Variants in PHLPP1 observed in about 807,000 individuals in gnomAD.
PHLPP1 encodes PH domain and leucine rich repeat protein phosphatase 1.
In PHLPP1, 42 loss-of-function variants were observed where a neutral mutation model predicts 117.2. The observed-to-expected ratio is 0.36, with a 90% CI of 0.28 to 0.46. The LOEUF is 0.46. Ranked by LOEUF, PHLPP1 falls within the 20% of genes least tolerant of loss-of-function variation. PHLPP1 has a pLI of 1.00. For synonymous variants in PHLPP1, 1,042 were observed against 970.7 expected (o/e 1.07, Z -1.37); for missense variants, 2,084 against 2,241.9 (o/e 0.93, Z 1.42).
intron 1 of PHLPP1, among the ~76,000 whole-genome samples, chr18:62,729,065 G>A (rs993818956): frequency 6.6e-6 from 1 of 152,238 alleles, no homozygotes; most frequent in African/African-American, 2.4e-5. Flanking sequence ...TTAATTCCCA[G>A]AAAAAATGAA....
chr18:62,742,358 T>C (rs1444779798), intron 1 of PHLPP1, among the ~76,000 whole-genome samples: 1 of 152,192 alleles, frequency 6.6e-6, no homozygotes. Context: ...CTCTATGTTA[T>C]CTGAGGCCCC....
intron 2 of PHLPP1, among the ~76,000 whole-genome samples, chr18:62,833,322 C>T (rs1311557142): frequency 6.6e-6 from 1 of 152,210 alleles, no homozygotes; most frequent in Non-Finnish European, 1.5e-5. Context: ...GATCCGCCTG[C>T]TTCGGCCTCC....
chr18:62,886,637 A>G (rs912325296), intron 4 of PHLPP1, among the ~76,000 whole-genome samples: 2 of 152,132 alleles, frequency 1.3e-5, no homozygotes, highest in African/African-American at 4.8e-5. Flanking sequence ...TTTGTTTGCA[A>G]ACATACTACA....
chr18:62,823,290 G>T (rs989206421), intron 1 of PHLPP1, among the ~76,000 whole-genome samples: 3 of 152,148 alleles, frequency 2.0e-5, no homozygotes, highest in Non-Finnish European at 4.4e-5. Context: ...AGAAGTCTGG[G>T]CACAGCGACT....
chr18:62,953,416 C>G (rs573823198), intron 12 of PHLPP1, among the ~76,000 whole-genome samples: 1 of 152,332 alleles, frequency 6.6e-6, no homozygotes, highest in Non-Finnish European at 1.5e-5. Context: ...TAGATGTCCA[C>G]CTGTTCTCAC....
intron 1 of PHLPP1, among the ~76,000 whole-genome samples, chr18:62,753,501 G>C (rs1911921599): frequency 6.6e-6 from 1 of 152,184 alleles, no homozygotes. Flanking sequence ...TGCATTGCTG[G>C]CATCTGGTCC....
chr18:62,935,635 T>A (rs1207105517), intron 10 of PHLPP1, among the ~76,000 whole-genome samples: 1 of 152,128 alleles, frequency 6.6e-6, no homozygotes. Flanking sequence ...AACATGTATG[T>A]TTTAGTTCTT....
intron 12 of PHLPP1, among the ~76,000 whole-genome samples, chr18:62,951,233 G>A (rs111453722): frequency 3.9e-5 from 6 of 152,050 alleles, no homozygotes; most frequent in African/African-American, 9.7e-5. Flanking sequence ...CGCCCGCCTC[G>A]TCCTCCCAAA....
chr18:62,840,334 A>G (rs1915019505), intron 3 of PHLPP1, among the ~76,000 whole-genome samples: 3 of 152,148 alleles, frequency 2.0e-5, no homozygotes, highest in Admixed American at 2.0e-4. Flanking sequence ...CTAATAGACA[A>G]ATGGAGGTTC....
Position 62,864,263 on chromosome 18 carries a change from C to T in PHLPP1, c.2066+3662C>T, listed in dbSNP as rs548519532. Reference sequence around the variant, plus strand: ...TCTCGAACTCCTGACCTCAGGTAATCCACCCACCTCGGCCTCCCAAAGTAC... The same window carrying T: ...TCTCGAACTCCTGACCTCAGGTAATTCACCCACCTCGGCCTCCCAAAGTAC... On this transcript the variant is annotated intron_variant, in intron 4 of 16. Transcript: ENST00000262719. Among the ~76,000 whole-genome samples the T allele has an allele frequency of 3.5e-4, 54 of 152,274 alleles. No individual in the cohort carries two copies. In the South Asian group the frequency reaches 0.011, roughly 30 times the overall value.
At chr18:62,793,238 G>C (rs1251437171) in intron 1 of PHLPP1, among the ~76,000 whole-genome samples, 1 of 152,146 alleles carries the variant, frequency 6.6e-6, no homozygotes, top group Non-Finnish European at 1.5e-5. Context: ...TTGCAGGGGG[G>C]TGCTTGTCAT....
In PHLPP1 at chr18:62,963,353, T is replaced by G; in HGVS notation, c.3456-15T>G. On this transcript the variant is annotated splice_polypyrimidine_tract_variant and intron_variant, in intron 13 of 16. Coordinates refer to ENST00000262719, the MANE Select transcript of PHLPP1 (RefSeq NM_194449.4). ...GTTTTAATGATTCCTGTTCCCTCCC[T>G]GTTTCTCTTGTTAGTAATATCCGCT... is the stretch of plus-strand genomic sequence containing the variant. 3 of 1,575,610 alleles carry G rather than the reference T, an allele frequency of 1.9e-6. No individual in the cohort carries two copies. The South Asian group carries it at 3.4e-5, about 18-fold the overall frequency.
chr18:62,816,182 G>C (rs1348270723), intron 1 of PHLPP1, among the ~76,000 whole-genome samples: 1 of 152,102 alleles, frequency 6.6e-6, no homozygotes, highest in Admixed American at 6.6e-5. Context: ...AAGTTGAAAA[G>C]AGTACAAAAA....
At chr18:62,833,342 G>A (rs1485730658) in intron 2 of PHLPP1, among the ~76,000 whole-genome samples, 1 of 152,156 alleles carries the variant, frequency 6.6e-6, no homozygotes, top group East Asian at 1.9e-4. Flanking sequence ...CCATAGTGCT[G>A]GGATTACAGG....
At chr18:62,925,072 A>T (rs1909584220) in intron 10 of PHLPP1, among the ~76,000 whole-genome samples, 5 of 152,014 alleles carry the variant, frequency 3.3e-5, no homozygotes, top group Admixed American at 3.3e-4. Context: ...GATTTTCCTG[A>T]TGGAAACCCC....
At chr18:62,727,933 AG>A (rs1261359589) in intron 1 of PHLPP1, among the ~76,000 whole-genome samples, 2 of 151,686 alleles carry the variant, frequency 1.3e-5, no homozygotes, top group Non-Finnish European at 2.9e-5. Flanking sequence ...TGGGAAGGGG[AG>A]GGGGGCTGGA....
intron 1 of PHLPP1, among the ~76,000 whole-genome samples, chr18:62,718,974 T>TA (rs1910841227): frequency 6.6e-6 from 1 of 152,220 alleles, no homozygotes; most frequent in Non-Finnish European, 1.5e-5. Context: ...AATAAGCACT[T>TA]TCTTTTTTCT....
chr18:62,954,251 T>C (rs1013113357), intron 12 of PHLPP1, among the ~76,000 whole-genome samples: 2 of 152,254 alleles, frequency 1.3e-5, no homozygotes, highest in Non-Finnish European at 2.9e-5. Context: ...AAAGTAATTT[T>C]TGTTAGCTAT....
rs2097858435 is a variant in PHLPP1, at chr18:62,726,530, G to C, written c.1576+9271G>C. On this transcript the variant is annotated intron_variant, in intron 1 of 16. Transcript: ENST00000262719. ...GGATTTTAAAAATTTTCTAGTACTT[G>C]TAGTATTTTATCATTTTCTTTTCTT... Among the ~76,000 whole-genome samples the C allele has an allele frequency of 6.1e-5, 9 of 146,998 alleles. No individual in the cohort carries two copies. The South Asian group carries it at 2.0e-3, about 32-fold the overall frequency.
Sources: allele counts gnomAD v4.1 joint callset (sites outside exome capture counted in the v4.1 genomes callset), GRCh38; gene constraint gnomAD v4.1.1; transcripts MANE v1.5; gene names NCBI Gene and HGNC (gene_info 2026-07-23, HGNC 2026-07-21).